MYO15A: variants seen among roughly 807,000 people sequenced by gnomAD.
MYO15A encodes the protein myosin XVA.
In MYO15A, 308 loss-of-function variants were observed where a neutral mutation model predicts 394.6. That is an observed-to-expected ratio of 0.78 (90% confidence interval 0.71 to 0.86). The LOEUF is 0.86. MYO15A is among the 40% of genes least tolerant of loss of function. The pLI is 0.00. For missense variants in MYO15A, 4,606 were observed against 4,799.1 expected (o/e 0.96, Z 1.19); for synonymous variants, 1,957 against 2,003.8 (o/e 0.98, Z 0.62).
intron 64 of MYO15A, chr17:18,172,679 T>C: frequency 2.8e-6 from 1 of 355,468 alleles, no homozygotes; most frequent in Non-Finnish European, 5.5e-6. Flanking sequence ...TTTGGTGGTT[T>C]GCAGACAGCT....
chr17:18,167,830 C>G, intron 62 of MYO15A, 107 bp downstream of exon 62: 1 of 1,517,244 alleles, frequency 6.6e-7, no homozygotes, highest in Non-Finnish European at 8.9e-7. Context: ...TCAGGCTCCC[C>G]TCTTATACCA....
chr17:18,155,209 G>T lies in MYO15A; in HGVS notation c.8324G>T (p.Arg2775Leu), dbSNP rs773476384. The T allele has an allele frequency of 6.2e-7, 1 of 1,613,816 alleles. No individual in the cohort carries two copies. ...GACACCTGGGAGGTCTACTTCTCCC[G>T]CATCTTCCCCGCCACGGTGCGAGCC... ...ARDTWEVYFS[R>L]IFPATGSVGT... The change falls in exon 46 of 66, where the codon CGC (arginine) becomes CTC (leucine). Residue 2775 changes from arginine (R) to leucine (L), a missense_variant. Physicochemically the swap from Arg to Leu is moderately radical, Grantham distance 102. This residue lies in a region of MYO15A where 2,776 missense variants were observed against 3,109.3 expected (regional missense o/e 0.89). Coordinates refer to ENST00000647165, the MANE Select transcript of MYO15A (RefSeq NM_016239.4).
Position 18,155,364 on chromosome 17 carries a change from C to T in MYO15A, c.8391C>T (p.Ile2797=). 1 of 1,613,768 alleles carries T rather than the reference C, an allele frequency of 6.2e-7. No homozygotes were observed. Among genetic ancestry groups the T allele is most frequent in the Non-Finnish European group, 8.5e-7 (1 of 1,180,024 alleles). ...TCCTAGCTGTGTCCCACGTGGGCATCAAACTCCTGAGGATGGTCAAGGGTG... is the reference window on the plus strand; with the variant it reads ...TCCTAGCTGTGTCCCACGTGGGCATTAAACTCCTGAGGATGGTCAAGGGTG... ...VQLLAVSHVG[I]KLLRMVKGGQ... The change falls in exon 47 of 66, where the codon ATC becomes ATT. Residue 2797 remains isoleucine (I), a synonymous_variant. Coordinates refer to ENST00000647165, the MANE Select transcript of MYO15A (RefSeq NM_016239.4).
chr17:18,141,217 C>A, intron 22 of MYO15A, 74 bp downstream of exon 22: 3 of 1,601,894 alleles, frequency 1.9e-6, no homozygotes, highest in Non-Finnish European at 2.5e-6. Flanking sequence ...AATACACAAC[C>A]CAGGCAGTAC....
rs755138870 is a variant in MYO15A at position 18,131,503 on chromosome 17, T to G, written c.4178T>G (p.Leu1393Arg). 6.2e-7 allele frequency: 1 copy of G among 1,613,892 alleles called. No individual in the cohort carries two copies. The highest frequency in any genetic ancestry group is 1.1e-5 in the South Asian group (1 of 91,070). Reference protein sequence around the residue: ...VISGAITSQYLLEKSRIVFQA... With the variant: ...VISGAITSQYRLEKSRIVFQA... ...TCTGGTGCCATAACCTCCCAGTACC[T>G]GCTTGAGAAATCCAGGATCGTGTTT... The change falls in exon 10 of 66, where the codon CTG (leucine) becomes CGG (arginine). Residue 1393 changes from leucine (L) to arginine (R), a missense_variant. By Grantham distance (102) the Leu-to-Arg change is moderately radical. Around this residue, in one of 2 missense-constraint regions of MYO15A, gnomAD observed 2,776 missense variants for 3,109.3 expected, o/e 0.89. Transcript: ENST00000647165.
chr17:18,160,978 C>T (rs901761136), intron 56 of MYO15A: 12 of 429,762 alleles, frequency 2.8e-5, no homozygotes, highest in Non-Finnish European at 5.3e-5. Context: ...CTGGCATGAC[C>T]TCTACACAGT....
At chr17:18,130,764 C>G in intron 7 of MYO15A, 41 bp from the exon 8 acceptor site, 1 of 1,601,626 alleles carries the variant, frequency 6.2e-7, no homozygotes, top group Non-Finnish European at 8.5e-7. Context: ...CCATTCTGTT[C>G]TTGTCTGTCT....
rs2045923533 is a variant in MYO15A at position 18,121,265 on chromosome 17, A to C, written c.2465A>C (p.Glu822Ala). 11 of 1,448,524 alleles carry C rather than the reference A, an allele frequency of 7.6e-6. No homozygotes were observed. The highest frequency in any genetic ancestry group is 9.0e-6 in the Non-Finnish European group (10 of 1,105,012). The allele number at this position is 1,448,524 out of a possible 1,614,324, so 89.7% of individuals were successfully genotyped here. A position where few individuals can be genotyped will look rare whatever the true frequency, so the allele number is the denominator to read the frequency against. ...PPARRPRSLQ[E>A]SPAPRRAAGR... ...GCCCGCCGGCCCCGCTCGCTGCAGG[A>C]GTCCCCAGCCCCACGCCGAGCCGCT... Residue 822 changes from glutamate to alanine, a missense_variant, in exon 2 of 66, where the codon GAG becomes GCG. By Grantham distance (107) the Glu-to-Ala change is moderately radical (BLOSUM62 -1). Transcript: ENST00000647165. The surrounding 1 kb of genome is among the most constrained non-coding windows in gnomAD (Gnocchi z 5.3).
At chr17:18,158,750 A>C (rs965990761) in intron 52 of MYO15A, 112 bp downstream of exon 52, 38 of 1,425,716 alleles carry the variant, frequency 2.7e-5, no homozygotes, top group Non-Finnish European at 3.5e-5. Context: ...GGGAGAGATG[A>C]GAGACCACCC....
At chr17:18,172,458 G>T in intron 64 of MYO15A, 168 bp downstream of exon 64, 1 of 1,086,090 alleles carries the variant, frequency 9.2e-7, no homozygotes. Context: ...TCCTCATCTG[G>T]AAAATGAGGA....
intron 62 of MYO15A, among the ~76,000 whole-genome samples, chr17:18,169,237 A>G (rs2046905175): frequency 2.6e-5 from 4 of 151,640 alleles, no homozygotes; most frequent in Non-Finnish European, 5.9e-5. Flanking sequence ...ACCTGAGGTC[A>G]GGGGTTTGAA....
intron 1 of MYO15A, among the ~76,000 whole-genome samples, chr17:18,112,525 G>A (rs1193343636): frequency 1.3e-5 from 2 of 152,058 alleles, no homozygotes; most frequent in Admixed American, 6.6e-5. Flanking sequence ...CCACCACACT[G>A]TGCATATCTG....
Position 18,163,962 on chromosome 17 carries a change from AC to A in MYO15A, c.9787+129del. The A allele has an allele frequency of 7.5e-6, 7 of 929,212 alleles. No individual in the cohort carries two copies. In the East Asian group the frequency reaches 1.6e-4, roughly 21 times the overall value. The allele number at this position is 929,212 out of a possible 1,614,324, so 57.6% of individuals were successfully genotyped here. ...GCCACTTCCTCCAGGAAGCCCCTTGACCCCCATGTGGAAGGATCTCTGTGTG... is the reference window on the plus strand; with the variant it reads ...GCCACTTCCTCCAGGAAGCCCCTTGACCCCATGTGGAAGGATCTCTGTGTG... On this transcript the variant is annotated intron_variant, in intron 60 of 65. Coordinates refer to ENST00000647165, the MANE Select transcript of MYO15A (RefSeq NM_016239.4).
Position 18,147,574 on chromosome 17 carries a change from C to G in MYO15A, c.6510-455C>G, listed in dbSNP as rs854775. Among the ~76,000 whole-genome samples the G allele has an allele frequency of 6.6e-5, 10 of 151,836 alleles. No homozygotes were observed. The highest frequency in any genetic ancestry group is 5.9e-4 in the Admixed American group (9 of 15,258). On this transcript the variant is annotated intron_variant, in intron 30 of 65. Coordinates refer to ENST00000647165, the MANE Select transcript of MYO15A (RefSeq NM_016239.4). The surrounding 1 kb of genome is among the most constrained non-coding windows in gnomAD (Gnocchi z 4.4). ...TATAGGTGAAAACTTGGAGGAGAGG[C>G]TCAGAGAGGGCAGATAATCATCCAA... is the stretch of plus-strand genomic sequence containing the variant.
At chr17:18,129,173 G>T (rs1177562098) in intron 7 of MYO15A, among the ~76,000 whole-genome samples, 2 of 152,198 alleles carry the variant, frequency 1.3e-5, no homozygotes, top group African/African-American at 4.8e-5. Flanking sequence ...GTCTCACTGG[G>T]CAAGTTTTGG....
At chr17:18,126,135 C>T (rs1464144141) in intron 4 of MYO15A, among the ~76,000 whole-genome samples, 1 of 152,250 alleles carries the variant, frequency 6.6e-6, no homozygotes, top group Non-Finnish European at 1.5e-5. Flanking sequence ...ACTCCAGACT[C>T]CTCTCAGCTC....
In MYO15A at chr17:18,173,788, T is replaced by C. The variant is rs183642880; in HGVS notation, c.10358T>C (p.Met3453Thr). The C allele has an allele frequency of 6.2e-7, 1 of 1,613,964 alleles. No homozygotes were observed. The highest frequency in any genetic ancestry group is 1.3e-5 in the African/African-American group (1 of 75,062). The part of the protein sequence containing the change: ...NFLSTETHEL[M>T]VKFPLKEIQS... ...CTCTCCTCCTACTCCCAGGAATTGATGGTGAAGTTCCCCCTGAAGGAGATC... is the reference window on the plus strand; with the variant it reads ...CTCTCCTCCTACTCCCAGGAATTGACGGTGAAGTTCCCCCTGAAGGAGATC... The change falls in exon 65 of 66, where the codon ATG (methionine) becomes ACG (threonine). Residue 3453 changes from methionine (M) to threonine (T), a missense_variant. Met to Thr is a moderately conservative substitution (Grantham distance 81, BLOSUM62 -1). This residue lies in a region of MYO15A where 2,776 missense variants were observed against 3,109.3 expected (regional missense o/e 0.89). Transcript: ENST00000647165.
At chr17:18,145,712 A>G (rs948097716) in intron 29 of MYO15A, among the ~76,000 whole-genome samples, 160 bp from the exon 30 acceptor site, 4 of 152,138 alleles carry the variant, frequency 2.6e-5, no homozygotes, top group Non-Finnish European at 5.9e-5. Flanking sequence ...CTCCATCTCA[A>G]AAAAATATTC....
At chr17:18,175,187 G>A (rs1158070099) in intron 65 of MYO15A, among the ~76,000 whole-genome samples, 2 of 150,990 alleles carry the variant, frequency 1.3e-5, no homozygotes, top group African/African-American at 4.9e-5. Flanking sequence ...CCAAAGTGCT[G>A]GGATTATAAG....
Sources: allele counts gnomAD v4.1 joint callset (sites outside exome capture counted in the v4.1 genomes callset), GRCh38; gene constraint gnomAD v4.1.1; regional missense constraint gnomAD v4.1.1; non-coding constraint Gnocchi (gnomAD v3.1); transcripts MANE v1.5; gene names NCBI Gene and HGNC (gene_info 2026-07-23, HGNC 2026-07-21).